OR1L8: variants seen among roughly 807,000 people sequenced by gnomAD.
The protein encoded by OR1L8 is olfactory receptor family 1 subfamily L member 8.
For missense variants in OR1L8, 330 were observed against 377.4 expected (o/e 0.87, Z 1.04); for synonymous variants, 148 against 147.0 (o/e 1.01, Z -0.05).
At chr9:122,553,596 A>C in the OR1L8 span, 3 of 1,614,102 alleles carry the variant, frequency 1.9e-6, no homozygotes, top group Admixed American at 3.3e-5. Context: ...CTATGTGGCC[A>C]TCTGCCAACC....
At chr9:122,577,625 T>C (rs1019799299) in intron 2 of OR1L8, among the ~76,000 whole-genome samples, 2 of 152,338 alleles carry the variant, frequency 1.3e-5, no homozygotes, top group South Asian at 4.1e-4. Context: ...AATCATATTA[T>C]CTATCAAAGA....
intron 3 of OR1L8, among the ~76,000 whole-genome samples, chr9:122,573,869 A>T (rs1829595448): frequency 6.6e-6 from 1 of 152,166 alleles, no homozygotes; most frequent in Non-Finnish European, 1.5e-5. Flanking sequence ...TGAGTTTCAC[A>T]GTTTTGCATC....
the OR1L8 span, among the ~76,000 whole-genome samples, chr9:122,550,247 G>A: frequency 6.6e-6 from 1 of 152,082 alleles, no homozygotes; most frequent in Non-Finnish European, 1.5e-5. Flanking sequence ...TAGTGAGATT[G>A]AATCATACAA....
chr9:122,553,315 T>C, the OR1L8 span: 1 of 1,613,950 alleles, frequency 6.2e-7, no homozygotes, highest in Non-Finnish European at 8.5e-7. Context: ...GGCATCTTCC[T>C]TGGCATGTAC....
At chr9:122,552,821 G>A in the OR1L8 span, among the ~76,000 whole-genome samples, 1 of 146,008 alleles carries the variant, frequency 6.8e-6, no homozygotes, top group Non-Finnish European at 1.5e-5. Context: ...GGAGTTTGAT[G>A]GAGATCATGC....
the OR1L8 span, among the ~76,000 whole-genome samples, chr9:122,557,198 C>T: frequency 2.0e-5 from 3 of 152,054 alleles, no homozygotes; most frequent in Admixed American, 6.5e-5. Flanking sequence ...TTTATTCCTT[C>T]TGAATCTGTA....
In OR1L8 at chr9:122,567,565, T is replaced by C; in HGVS notation, c.913A>G (p.Met305Val). 2 of 1,585,144 alleles carry C rather than the reference T, an allele frequency of 1.3e-6. No homozygotes were observed. The change falls in exon 5 of 5, where the codon ATG (methionine) becomes GTG (valine). Residue 305 changes from methionine (M) to valine (V), a missense_variant. Coordinates refer to ENST00000641027, the MANE Select transcript of OR1L8 (RefSeq NM_001004454.2). ...GGTGCTTCCTAGGATCTCTTGCTCA[T>C]AAGCTTCCTCAGGCCCTGTTTCAGG... ...KDLKQGLRKL[M>V]SKRS
At chr9:122,558,276 A>T in the OR1L8 span, among the ~76,000 whole-genome samples, 1 of 111,862 alleles carries the variant, frequency 8.9e-6, no homozygotes, top group South Asian at 3.2e-4. Context: ...TTAGTTTCCT[A>T]GTGGGGAAGC....
chr9:122,583,274 C>A, intron 1 of OR1L8, 47 bp downstream of exon 1: 1 of 149,580 alleles, frequency 6.7e-6, no homozygotes. Flanking sequence ...TTAAAACTGT[C>A]AGGGTCATCA....
downstream of OR1L8, among the ~76,000 whole-genome samples, chr9:122,566,157 C>G (rs989690611): frequency 1.3e-5 from 2 of 152,216 alleles, no homozygotes; most frequent in Non-Finnish European, 2.9e-5. Flanking sequence ...TGCATCCTAT[C>G]AAATTATCAA....
At chr9:122,576,308 G>A (rs190387040) in intron 3 of OR1L8, among the ~76,000 whole-genome samples, 73 of 151,900 alleles carry the variant, frequency 4.8e-4, no homozygotes, top group African/African-American at 1.3e-3. Context: ...TGCAACCTCC[G>A]CCTCCTGGGT....
the OR1L8 span, among the ~76,000 whole-genome samples, chr9:122,546,319 G>A: frequency 6.6e-6 from 1 of 152,154 alleles, no homozygotes; most frequent in East Asian, 1.9e-4. Context: ...GAGAGACAGA[G>A]CTTAATTTTC....
At chr9:122,577,894 A>G (rs1248213301) in intron 2 of OR1L8, among the ~76,000 whole-genome samples, 2 of 152,204 alleles carry the variant, frequency 1.3e-5, no homozygotes, top group African/African-American at 4.8e-5. Flanking sequence ...TTTGTTTGGC[A>G]TAGAAATTCA....
At chr9:122,553,728 G>T in the OR1L8 span, 1 of 1,613,792 alleles carries the variant, frequency 6.2e-7, no homozygotes, top group Non-Finnish European at 8.5e-7. Context: ...GGCTTTCTGT[G>T]CCCAGAAAGC....
the OR1L8 span, among the ~76,000 whole-genome samples, chr9:122,557,037 T>C: frequency 1.3e-5 from 2 of 152,184 alleles, no homozygotes; most frequent in Non-Finnish European, 1.5e-5. Context: ...ATTCCATTTG[T>C]TCATTGCTGC....
intron 3 of OR1L8, among the ~76,000 whole-genome samples, chr9:122,576,068 CTTCT>C (rs1250750694): frequency 6.6e-6 from 1 of 152,146 alleles, no homozygotes; most frequent in Non-Finnish European, 1.5e-5. Flanking sequence ...GAAAGATCTA[CTTCT>C]TTAAGTCTTA....
At chr9:122,582,031 A>AT (rs1829744923) in intron 1 of OR1L8, among the ~76,000 whole-genome samples, 1 of 152,202 alleles carries the variant, frequency 6.6e-6, no homozygotes, top group Admixed American at 6.5e-5. Context: ...AGATCATGGT[A>AT]TTGGAGACCT....
At chr9:122,577,863 T>G (rs1829684730) in intron 2 of OR1L8, among the ~76,000 whole-genome samples, 1 of 151,348 alleles carries the variant, frequency 6.6e-6, no homozygotes, top group Admixed American at 6.6e-5. Flanking sequence ...CACCTTCATA[T>G]CATCAGTACC....
chr9:122,564,080 A>C (rs1232656399), downstream of OR1L8, among the ~76,000 whole-genome samples: 1 of 152,120 alleles, frequency 6.6e-6, no homozygotes, highest in Non-Finnish European at 1.5e-5. Context: ...CATTGGGAAA[A>C]GGGAAATGAT....
Sources: gnomAD v4.1 joint callset for allele counts (sites outside exome capture counted in the v4.1 genomes callset) on GRCh38, gnomAD v4.1.1 for gene constraint, MANE v1.5 for transcripts, NCBI Gene and HGNC (gene_info 2026-07-23, HGNC 2026-07-21) for gene names.